The following OPCML variants were observed in gnomAD, a reference collection of about 807,000 sequenced individuals.
OPCML encodes opioid-binding protein/cell adhesion molecule.
OPCML carries 13 observed loss-of-function variants against 37.8 expected under a neutral mutation model. That is an observed-to-expected ratio of 0.34 (90% confidence interval 0.22 to 0.55). The LOEUF is 0.55. Among genes scored for constraint, OPCML ranks in the 20% least tolerant of loss-of-function variants. The pLI is 0.91. For synonymous variants in OPCML, 176 were observed against 168.8 expected (o/e 1.04, Z -0.33); for missense variants, 341 against 435.6 (o/e 0.78, Z 1.93).
At chr11:133,087,898 C>T (rs796139326) in intron 1 of OPCML, among the ~76,000 whole-genome samples, 14 of 152,236 alleles carry the variant, frequency 9.2e-5, no homozygotes, top group South Asian at 4.2e-4. Flanking sequence ...TCTTACTAGA[C>T]GGTTAGGAGA....
At chr11:132,543,143 AT>A (rs1272466552) in intron 3 of OPCML, among the ~76,000 whole-genome samples, 1 of 152,174 alleles carries the variant, frequency 6.6e-6, no homozygotes, top group Non-Finnish European at 1.5e-5. Context: ...TGGCATGCAG[AT>A]GATAGAGCTA....
chr11:132,638,431 T>C (rs1268149659), intron 3 of OPCML, among the ~76,000 whole-genome samples: 1 of 152,084 alleles, frequency 6.6e-6, no homozygotes, highest in Admixed American at 6.6e-5. Flanking sequence ...AGGATGACAA[T>C]AGCCTTTCCC....
intron 3 of OPCML, among the ~76,000 whole-genome samples, chr11:132,591,034 T>C (rs1302063595): frequency 6.6e-6 from 1 of 152,220 alleles, no homozygotes; most frequent in Non-Finnish European, 1.5e-5. Flanking sequence ...AGATCTTAGA[T>C]TGCCTGTATT....
intron 1 of OPCML, among the ~76,000 whole-genome samples, chr11:133,486,656 A>T (rs1243439611): frequency 2.0e-5 from 3 of 151,850 alleles, no homozygotes; most frequent in African/African-American, 7.3e-5. Context: ...GATACTAATG[A>T]TTCTCAAATA....
chr11:132,805,315 T>C (rs1938937050), intron 2 of OPCML, among the ~76,000 whole-genome samples: 1 of 152,178 alleles, frequency 6.6e-6, no homozygotes. Flanking sequence ...AGAATGCTAT[T>C]AAATGATTTA....
In OPCML at chr11:133,345,018, G is replaced by C. The variant is rs940390675; in HGVS notation, c.61+187246C>G. Among the ~76,000 whole-genome samples the C allele has an allele frequency of 7.2e-5, 11 of 152,216 alleles. 1 individual carries two copies. In the South Asian group the frequency reaches 2.3e-3, roughly 32 times the overall value. On this transcript the variant is annotated intron_variant, in intron 1 of 7. Coordinates refer to ENST00000524381, the MANE Select transcript of OPCML (RefSeq NM_001012393.5). ...GCTCTTCCTTACCATCACCCTCTGC[G>C]TGACTTCCATTACCTCTCTTTAAAA...
chr11:132,732,673 G>A (rs571654137), intron 2 of OPCML, among the ~76,000 whole-genome samples: 1 of 152,286 alleles, frequency 6.6e-6, no homozygotes, highest in African/African-American at 2.4e-5. Context: ...ATCCAGAAAG[G>A]AGACCTGAAA....
chr11:132,762,531 G>T (rs1946299621), intron 2 of OPCML, among the ~76,000 whole-genome samples: 2 of 152,218 alleles, frequency 1.3e-5, no homozygotes, highest in South Asian at 4.1e-4. Context: ...AATCTAGAGA[G>T]GCAGTCTGGC....
chr11:132,999,567 GT>G (rs371427968), intron 1 of OPCML, among the ~76,000 whole-genome samples: 1,783 of 146,822 alleles, frequency 0.012, 43 homozygotes, highest in African/African-American at 0.043. Flanking sequence ...GACAAATGGG[GT>G]CGGGGGGGGA....
intron 2 of OPCML, among the ~76,000 whole-genome samples, chr11:132,837,183 G>A (rs1941057774): frequency 6.6e-6 from 1 of 152,066 alleles, no homozygotes; most frequent in African/African-American, 2.4e-5. Flanking sequence ...GAGTGGTGGT[G>A]CATGCCTGTA....
intron 4 of OPCML, among the ~76,000 whole-genome samples, chr11:132,505,286 G>A (rs538951004): frequency 6.6e-6 from 1 of 152,238 alleles, no homozygotes; most frequent in East Asian, 1.9e-4. Context: ...AAAATTCCAG[G>A]AAGACCGTGC....
chr11:133,485,680 T>C (rs890553092), intron 1 of OPCML, among the ~76,000 whole-genome samples: 23 of 152,218 alleles, frequency 1.5e-4, no homozygotes, highest in African/African-American at 5.5e-4. Context: ...ATCTGCATTA[T>C]TCTGGGTTCC....
intron 3 of OPCML, among the ~76,000 whole-genome samples, chr11:132,589,105 G>A (rs921941037): frequency 6.6e-6 from 1 of 152,130 alleles, no homozygotes; most frequent in African/African-American, 2.4e-5. Context: ...ACCTCCATCA[G>A]TTATGAAAAT....
At chr11:132,549,045 G>A (rs980802661) in intron 3 of OPCML, among the ~76,000 whole-genome samples, 2 of 152,260 alleles carry the variant, frequency 1.3e-5, no homozygotes, top group East Asian at 1.9e-4. Flanking sequence ...CTCCTGGGCT[G>A]CATTCCCAGG....
chr11:133,229,851 T>C (rs1349988896), intron 1 of OPCML, among the ~76,000 whole-genome samples: 2 of 152,224 alleles, frequency 1.3e-5, no homozygotes, highest in African/African-American at 4.8e-5. Flanking sequence ...AAGCCTTTAC[T>C]GTGCGCAGTT....
At chr11:133,450,684 T>A (rs1258492442) in intron 1 of OPCML, among the ~76,000 whole-genome samples, 2 of 151,668 alleles carry the variant, frequency 1.3e-5, no homozygotes, top group Non-Finnish European at 2.9e-5. Context: ...ACCCTGTGAC[T>A]TCCACAAGGA....
chr11:133,028,885 TG>T (rs1406381486), intron 1 of OPCML, among the ~76,000 whole-genome samples: 2 of 116,582 alleles, frequency 1.7e-5, no homozygotes, highest in Non-Finnish European at 3.4e-5. Flanking sequence ...AAAGTGTTTC[TG>T]CACACAGCAA....
rs149910290 is a variant in OPCML at position 132,567,724 on chromosome 11, G to A, written c.380-38538C>T. ...ATGTTTTACTTTTATTTATTTTAAT[G>A]TTCGATTCAGAGGTAGATTCTATCT... On this transcript the variant is annotated intron_variant, in intron 3 of 7. Transcript: ENST00000524381. 7.5e-4 allele frequency among the ~76,000 whole-genome samples: 114 copies of A among 152,320 alleles called. 2 individuals carry two copies. The East Asian group carries it at 7.9e-3, about 11-fold the overall frequency.
At chr11:133,363,175 C>T (rs1410890901) in intron 1 of OPCML, among the ~76,000 whole-genome samples, 1 of 152,166 alleles carries the variant, frequency 6.6e-6, no homozygotes, top group Non-Finnish European at 1.5e-5. Context: ...ACAGCAAAGG[C>T]CCCGCGGCTA....
Sources: gnomAD v4.1 joint callset for allele counts (sites outside exome capture counted in the v4.1 genomes callset) on GRCh38, gnomAD v4.1.1 for gene constraint, MANE v1.5 for transcripts, NCBI Gene and HGNC (gene_info 2026-07-23, HGNC 2026-07-21) for gene names.